ZNF536: variants seen among roughly 807,000 people sequenced by gnomAD.
The protein encoded by ZNF536 is zinc finger protein 536.
ZNF536 carries 13 observed loss-of-function variants against 84.5 expected under a neutral mutation model. That is an observed-to-expected ratio of 0.15 (90% CI 0.10 to 0.24). The LOEUF (loss-of-function observed/expected upper bound fraction) is 0.24. Among genes scored for constraint, ZNF536 ranks in the 10% least tolerant of loss-of-function variants. ZNF536 has a pLI of 1.00. For synonymous variants in ZNF536, 811 were observed against 742.5 expected (o/e 1.09, Z -1.50); for missense variants, 1,536 against 1,747.5 (o/e 0.88, Z 2.16).
intron 2 of ZNF536, among the ~76,000 whole-genome samples, chr19:30,347,936 C>A (rs1290709615): frequency 6.6e-6 from 1 of 152,204 alleles, no homozygotes; most frequent in Non-Finnish European, 1.5e-5. Context: ...CTTAGGATGT[C>A]TTCTCCTATG....
chr19:30,418,894 A>T (rs1402091022), intron 1 of ZNF536, among the ~76,000 whole-genome samples: 1 of 152,198 alleles, frequency 6.6e-6, no homozygotes, highest in Non-Finnish European at 1.5e-5. Context: ...TTAAAAATTA[A>T]GTATTAAAGA....
At chr19:30,434,071 G>A (rs1315718615) in intron 1 of ZNF536, among the ~76,000 whole-genome samples, 6 of 151,848 alleles carry the variant, frequency 4.0e-5, no homozygotes, top group African/African-American at 1.5e-4. Context: ...GGGGACCAAG[G>A]TCACACCGAT....
intron 2 of ZNF536, among the ~76,000 whole-genome samples, chr19:30,340,096 CT>C (rs2047517867): frequency 6.6e-6 from 1 of 152,162 alleles, no homozygotes; most frequent in Non-Finnish European, 1.5e-5. Flanking sequence ...GGAGTGTCTG[CT>C]GTCTAAGGGA....
intron 1 of ZNF536, among the ~76,000 whole-genome samples, chr19:30,423,563 A>T (rs1393330579): frequency 6.6e-6 from 1 of 152,154 alleles, no homozygotes; most frequent in Non-Finnish European, 1.5e-5. Context: ...GGGCACTGGG[A>T]CCTGTGGAGT....
At chr19:30,364,677 A>G (rs2048371938) in intron 3 of ZNF536, among the ~76,000 whole-genome samples, 2 of 152,228 alleles carry the variant, frequency 1.3e-5, no homozygotes, top group South Asian at 2.1e-4. Context: ...CACAGGGTGC[A>G]TTGCAGGCAG....
chr19:30,264,889 A>C (rs1263793332), intron 1 of ZNF536, among the ~76,000 whole-genome samples: 2 of 150,658 alleles, frequency 1.3e-5, no homozygotes, highest in Non-Finnish European at 2.9e-5. Flanking sequence ...GAGAAAGATA[A>C]ACCGGGGGGA....
At chr19:30,539,241 G>A (rs554503864) in intron 3 of ZNF536, among the ~76,000 whole-genome samples, 1 of 152,254 alleles carries the variant, frequency 6.6e-6, no homozygotes, top group South Asian at 2.1e-4. Flanking sequence ...CAGGAGAGCT[G>A]ATGGTGTAAA....
At chr19:30,287,642 ATGGATGGGTGGGTGGATGGATGGGTGGG>A (rs1464945661) in intron 2 of ZNF536, among the ~76,000 whole-genome samples, 68 of 104,010 alleles carry the variant, frequency 6.5e-4, no homozygotes, top group African/African-American at 2.6e-3. Context: ...GGGTGGGTGG[ATGGATGGGTGGGTGGATGGATGGGTGGG>A]TGGATGGATG....
intron 2 of ZNF536, among the ~76,000 whole-genome samples, chr19:30,286,485 G>GGA (rs564217062): frequency 3.3e-5 from 5 of 150,964 alleles, no homozygotes; most frequent in African/African-American, 9.8e-5. Context: ...GTTGAGCATA[G>GGA]GAGAGAGAGA....
At chr19:30,296,287 G>C (rs1464927800) in intron 2 of ZNF536, 2 of 152,306 alleles carry the variant, frequency 1.3e-5, no homozygotes, top group Non-Finnish European at 2.9e-5. Context: ...GTCCTTGTTG[G>C]TGTCTTGGGA....
rs1008633479 is a variant in ZNF536, at chr19:30,251,588, A to G, written c.-190+22915A>G. Reference sequence around the variant, plus strand: ...GTAAATTCGTCTACTTCTTTAAAAAATTTTACTTCCATAAGTTTTTGGGAA... The same window carrying G: ...GTAAATTCGTCTACTTCTTTAAAAAGTTTTACTTCCATAAGTTTTTGGGAA... On this transcript the variant is annotated intron_variant, in intron 1 of 5. Transcript: ENST00000585628. 5.9e-5 allele frequency among the ~76,000 whole-genome samples: 9 copies of G among 152,190 alleles called. No individual in the cohort carries two copies. In the South Asian group the frequency reaches 6.2e-4, roughly 11 times the overall value.
intron 1 of ZNF536, among the ~76,000 whole-genome samples, chr19:30,650,521 A>G (rs1488213677): frequency 6.6e-6 from 1 of 152,228 alleles, no homozygotes; most frequent in Non-Finnish European, 1.5e-5. Context: ...ATGGGCTTAC[A>G]TTATATCAGA....
At chr19:30,447,133 C>T (rs1255588843) in intron 2 of ZNF536, among the ~76,000 whole-genome samples, 1 of 152,148 alleles carries the variant, frequency 6.6e-6, no homozygotes, top group African/African-American at 2.4e-5. Context: ...ACTGCCTTGC[C>T]CACTGTTAAA....
chr19:30,515,192 T>C (rs2055584974), intron 2 of ZNF536, among the ~76,000 whole-genome samples: 2 of 151,880 alleles, frequency 1.3e-5, no homozygotes, highest in African/African-American at 2.4e-5. Flanking sequence ...AGCCCAGGAG[T>C]TCAAGGTTAG....
At chr19:30,665,910 G>A (rs968805701) in intron 1 of ZNF536, 4 of 152,432 alleles carry the variant, frequency 2.6e-5, no homozygotes, top group African/African-American at 7.2e-5. Context: ...GCACATTCTG[G>A]TGCACTGCAT....
At chr19:30,525,937 A>G (rs140397320) in intron 2 of ZNF536, among the ~76,000 whole-genome samples, 263 of 152,294 alleles carry the variant, frequency 1.7e-3, no homozygotes, top group African/African-American at 6.1e-3. Context: ...CTAAAAAGCA[A>G]TGAAATGAGT....
intron 2 of ZNF536, among the ~76,000 whole-genome samples, chr19:30,493,384 T>G (rs2054589613): frequency 6.6e-6 from 1 of 152,206 alleles, no homozygotes; most frequent in African/African-American, 2.4e-5. Flanking sequence ...GTAGGCTTAA[T>G]AGAATTTCCT....
intron 2 of ZNF536, among the ~76,000 whole-genome samples, chr19:30,447,995 C>G (rs116884320): frequency 6.6e-6 from 1 of 152,146 alleles, no homozygotes; most frequent in Non-Finnish European, 1.5e-5. Flanking sequence ...TGTTGCTTGC[C>G]TATCTCTCAG....
chr19:30,612,760 T>A (rs928937676), intron 1 of ZNF536, among the ~76,000 whole-genome samples: 8 of 152,208 alleles, frequency 5.3e-5, no homozygotes, highest in African/African-American at 1.9e-4. Flanking sequence ...AATGCTAACG[T>A]CTTACCTTCC....
Sources: allele counts gnomAD v4.1 joint callset (sites outside exome capture counted in the v4.1 genomes callset), GRCh38; gene constraint gnomAD v4.1.1; transcripts MANE v1.5; gene names NCBI Gene and HGNC (gene_info 2026-07-23, HGNC 2026-07-21).